MTUS2: variants seen among roughly 807,000 people sequenced by gnomAD.
The protein encoded by MTUS2 is microtubule associated scaffold protein 2.
MTUS2 carries 40 observed loss-of-function variants against 114.1 expected under a neutral mutation model. That is an observed-to-expected ratio of 0.35 (90% CI 0.27 to 0.46). The LOEUF (loss-of-function observed/expected upper bound fraction) is 0.46. Among genes scored for constraint, MTUS2 ranks in the 20% least tolerant of loss-of-function variants. MTUS2 has a pLI of 1.00. For synonymous variants in MTUS2, 688 were observed against 672.0 expected, an observed-to-expected ratio of 1.02 and a Z score of -0.37; for missense variants, 1,679 against 1,705.4, an observed-to-expected ratio of 0.98 and a Z score of 0.27.
intron 4 of MTUS2, among the ~76,000 whole-genome samples, chr13:29,035,955 G>A (rs1422277453): frequency 6.6e-6 from 1 of 151,780 alleles, no homozygotes; most frequent in East Asian, 1.9e-4. Context: ...GACCAGCCTG[G>A]CAACATGTGG....
At chr13:29,420,025 G>A (rs1875959073) in intron 8 of MTUS2, among the ~76,000 whole-genome samples, 1 of 152,126 alleles carries the variant, frequency 6.6e-6, no homozygotes, top group African/African-American at 2.4e-5. Flanking sequence ...ACTGAAAATA[G>A]AGTCATTAGC....
At chr13:29,394,895 G>A (rs1244526792) in intron 8 of MTUS2, among the ~76,000 whole-genome samples, 3 of 152,186 alleles carry the variant, frequency 2.0e-5, no homozygotes, top group East Asian at 3.9e-4. Context: ...ATGATCTAAG[G>A]TGGAACAGTT....
intron 7 of MTUS2, among the ~76,000 whole-genome samples, chr13:29,325,455 CAAAA>C (rs761433335): frequency 5.7e-5 from 3 of 52,332 alleles, no homozygotes; most frequent in Non-Finnish European, 7.4e-5. Context: ...GACTTCATCT[CAAAA>C]AAAAAAAAAA....
intron 2 of MTUS2, among the ~76,000 whole-genome samples, chr13:28,943,596 T>C (rs1489377207): frequency 6.6e-6 from 1 of 152,144 alleles, no homozygotes; most frequent in Non-Finnish European, 1.5e-5. Context: ...GAGGTGGGCA[T>C]TGCAGGGTCC....
intron 5 of MTUS2, among the ~76,000 whole-genome samples, chr13:29,155,882 T>A (rs750577632): frequency 6.6e-6 from 1 of 152,028 alleles, no homozygotes; most frequent in Non-Finnish European, 1.5e-5. Context: ...TAATGTTCTA[T>A]CATTACGAGG....
chr13:29,105,515 C>A (rs1927843), intron 5 of MTUS2, among the ~76,000 whole-genome samples: 101,997 of 151,840 alleles, frequency 0.67, 34,955 homozygotes, highest in Non-Finnish European at 0.74. Context: ...TTGCAGCTTT[C>A]CTTTCCAGTT....
chr13:29,135,384 T>A (rs1891935259), intron 5 of MTUS2, among the ~76,000 whole-genome samples: 1 of 152,214 alleles, frequency 6.6e-6, no homozygotes. Flanking sequence ...TAGAACATAT[T>A]TTTCTATCCT....
intron 8 of MTUS2, chr13:29,428,982 C>A: frequency 2.2e-6 from 3 of 1,349,288 alleles, no homozygotes; most frequent in Admixed American, 3.4e-5. Flanking sequence ...CGGTGCCTGT[C>A]CCCCTAGCAT....
chr13:29,073,530 C>T (rs9578072), intron 4 of MTUS2, among the ~76,000 whole-genome samples: 6 of 3,110 alleles, frequency 1.9e-3, no homozygotes, highest in African/African-American at 3.4e-3. Context: ...TAGTGAAAGG[C>T]GGGTGTGTGT....
intron 4 of MTUS2, among the ~76,000 whole-genome samples, chr13:29,054,228 G>T (rs1489687543): frequency 6.6e-6 from 1 of 152,076 alleles, no homozygotes; most frequent in Non-Finnish European, 1.5e-5. Flanking sequence ...TGAAGTGTGT[G>T]TTCAAATCCT....
At chr13:29,009,116 A>G (rs1196619265) in intron 2 of MTUS2, among the ~76,000 whole-genome samples, 5 of 151,780 alleles carry the variant, frequency 3.3e-5, no homozygotes, top group East Asian at 1.9e-4. Context: ...TTTTATTTCT[A>G]TAAGAACCTA....
At chr13:29,460,655 G>C (rs182133327) in intron 9 of MTUS2, among the ~76,000 whole-genome samples, 26 of 152,092 alleles carry the variant, frequency 1.7e-4, no homozygotes, top group South Asian at 1.0e-3. Flanking sequence ...TTCATCTGTC[G>C]TGTTGAGAAA....
intron 2 of MTUS2, among the ~76,000 whole-genome samples, chr13:28,848,055 C>G (rs1373588851): frequency 6.6e-6 from 1 of 152,192 alleles, no homozygotes; most frequent in Non-Finnish European, 1.5e-5. Flanking sequence ...GTCCCACACT[C>G]TATGTTTTAT....
intron 8 of MTUS2, among the ~76,000 whole-genome samples, chr13:29,371,030 A>T (rs544098465): frequency 6.6e-6 from 1 of 152,260 alleles, no homozygotes; most frequent in South Asian, 2.1e-4. Flanking sequence ...GGTTCCAGTG[A>T]CTTGTGTGCT....
At chr13:28,966,542 G>T (rs1257858063) in intron 2 of MTUS2, among the ~76,000 whole-genome samples, 1 of 151,952 alleles carries the variant, frequency 6.6e-6, no homozygotes, top group Non-Finnish European at 1.5e-5. Context: ...GGGCAACATA[G>T]TGAGAACCTT....
At chr13:29,500,977 C>A (rs882953) in intron 14 of MTUS2, 120 bp from the exon 15 acceptor site, 2 of 696,606 alleles carry the variant, frequency 2.9e-6, no homozygotes, top group African/African-American at 3.6e-5. Context: ...TAAAGCATTG[C>A]GAACTGATGT....
chr13:28,895,106 G>C (rs1259420536), intron 2 of MTUS2, among the ~76,000 whole-genome samples: 1 of 152,194 alleles, frequency 6.6e-6, no homozygotes, highest in East Asian at 1.9e-4. Flanking sequence ...ATATATGCCA[G>C]GTTATATTTA....
At chr13:29,291,468 C>T (rs1007511288) in intron 6 of MTUS2, among the ~76,000 whole-genome samples, 1 of 152,200 alleles carries the variant, frequency 6.6e-6, no homozygotes, top group African/African-American at 2.4e-5. Context: ...GTGTTTTAAA[C>T]AAACATTTGT....
At chr13:29,177,659 C>CA (rs921658615) in intron 5 of MTUS2, among the ~76,000 whole-genome samples, 8 of 151,880 alleles carry the variant, frequency 5.3e-5, no homozygotes, top group African/African-American at 1.7e-4. Context: ...GCAATTGGTT[C>CA]AAAAAAACAG....
Sources: allele counts gnomAD v4.1 joint callset (sites outside exome capture counted in the v4.1 genomes callset), GRCh38; gene constraint gnomAD v4.1.1; transcripts MANE v1.5; gene names NCBI Gene and HGNC (gene_info 2026-07-23, HGNC 2026-07-21).